The following CCSER1 variants were observed in gnomAD, a reference collection of about 807,000 sequenced individuals.
CCSER1 encodes serine-rich coiled-coil domain-containing protein 1.
Under a neutral mutation model 82.0 loss-of-function variants are expected in CCSER1, and 41 were observed. That is an observed-to-expected ratio of 0.50 (90% confidence interval 0.39 to 0.65). The LOEUF is 0.65. CCSER1 is among the 30% of genes least tolerant of loss of function. The pLI, the probability that CCSER1 is intolerant of heterozygous loss-of-function variation, is 0.00. For missense variants in CCSER1, 1,119 were observed against 1,064.2 expected (o/e 1.05, Z -0.72); for synonymous variants, 414 against 383.9 (o/e 1.08, Z -0.92).
intron 3 of CCSER1, among the ~76,000 whole-genome samples, chr4:90,351,871 T>A (rs1743508425): frequency 6.6e-6 from 1 of 152,234 alleles, no homozygotes; most frequent in Admixed American, 6.5e-5. Flanking sequence ...AATGAGTGTG[T>A]TGATGGCAGA....
chr4:91,034,044 C>G (rs952454178), intron 9 of CCSER1, among the ~76,000 whole-genome samples: 6 of 152,158 alleles, frequency 3.9e-5, no homozygotes, highest in Non-Finnish European at 5.9e-5. Context: ...TAGTTCAGTG[C>G]TATAAATACC....
intron 1 of CCSER1, among the ~76,000 whole-genome samples, chr4:90,162,564 G>A (rs993727603): frequency 2.6e-5 from 4 of 151,800 alleles, no homozygotes; most frequent in East Asian, 1.9e-4. Context: ...TTAAATGAGC[G>A]TAGCAGTATC....
At chr4:90,811,630 A>G (rs1189913638) in intron 7 of CCSER1, among the ~76,000 whole-genome samples, 1 of 152,190 alleles carries the variant, frequency 6.6e-6, no homozygotes, top group Non-Finnish European at 1.5e-5. Context: ...TTTGGTTCAA[A>G]GTGAGTAGCA....
At chr4:91,306,827 C>T (rs2149247430) in intron 10 of CCSER1, among the ~76,000 whole-genome samples, 1 of 152,100 alleles carries the variant, frequency 6.6e-6, no homozygotes, top group African/African-American at 2.4e-5. Context: ...GTTAAATCAA[C>T]TTTTACAAAA....
intron 7 of CCSER1, among the ~76,000 whole-genome samples, chr4:90,761,304 T>G (rs1001331237): frequency 1.3e-4 from 20 of 152,190 alleles, no homozygotes; most frequent in Admixed American, 2.0e-4. Context: ...CAATATTATC[T>G]TATTTATCTT....
chr4:90,289,637 T>C (rs1282893232), intron 1 of CCSER1, among the ~76,000 whole-genome samples: 2 of 151,858 alleles, frequency 1.3e-5, no homozygotes, highest in African/African-American at 2.4e-5. Context: ...TGCAAATAAG[T>C]TTATTAAGAA....
In CCSER1 at chr4:90,150,391, A is replaced by G. The variant is rs376813109; in HGVS notation, c.-42+22560A>G. 5.3e-5 allele frequency among the ~76,000 whole-genome samples: 8 copies of G among 152,218 alleles called. No individual in the cohort carries two copies. The East Asian group carries it at 1.2e-3, about 22-fold the overall frequency. ...ATGTGGGCAAAAAAAGTGGGGTTTC[A>G]CACATTTGGTGAATTCCTACGTAGT... On this transcript the variant is annotated intron_variant, in intron 1 of 10. Coordinates refer to ENST00000509176, the MANE Select transcript of CCSER1 (RefSeq NM_001145065.2).
intron 8 of CCSER1, among the ~76,000 whole-genome samples, chr4:90,822,324 T>G (rs1759845302): frequency 6.6e-6 from 1 of 152,208 alleles, no homozygotes; most frequent in South Asian, 2.1e-4. Flanking sequence ...ATTTCTGAAC[T>G]TTTGGGGTTT....
At chr4:90,817,871 C>A (rs1244151790) in intron 8 of CCSER1, among the ~76,000 whole-genome samples, 1 of 152,140 alleles carries the variant, frequency 6.6e-6, no homozygotes, top group African/African-American at 2.4e-5. Context: ...TAATAAATAA[C>A]TTGTGACATT....
In CCSER1 at chr4:90,309,476, G is replaced by T; in HGVS notation, c.1192G>T (p.Glu398Ter). 1 of 1,613,834 alleles carries T rather than the reference G, an allele frequency of 6.2e-7. No homozygotes were observed. Among genetic ancestry groups the T allele is most frequent in the South Asian group, 1.1e-5 (1 of 91,058 alleles). Reference protein sequence around the residue: ...TNSPRKLGFYEQHKAIAEHVK... With the variant: ...TNSPRKLGFY ...CTCCCCAAGGAAACTTGGATTTTAT[G>T]AGCAACATAAAGCAATAGCGGAACA... Residue 398 changes from glutamate (E) to a stop codon, truncating the protein, a stop_gained, in exon 2 of 11, where the codon GAG becomes TAG. Coordinates refer to ENST00000509176, the MANE Select transcript of CCSER1 (RefSeq NM_001145065.2). LOFTEE classifies it high-confidence loss of function.
At chr4:90,695,054 T>TATA (rs1560959754) in intron 6 of CCSER1, among the ~76,000 whole-genome samples, 1 of 141,924 alleles carries the variant, frequency 7.0e-6, no homozygotes, top group Non-Finnish European at 1.6e-5. Context: ...GTATATATAT[T>TATA]TATTTATATT....
rs893283173 is a variant in CCSER1 at position 91,266,891 on chromosome 4, C to A, written c.2217+180897C>A. ...ATTATCATTCTTACTACTTTTGAAC[C>A]ATTTCACTTTCAGTTTCACGTTTTT... On this transcript the variant is annotated intron_variant, in intron 10 of 10. Coordinates refer to ENST00000509176, the MANE Select transcript of CCSER1 (RefSeq NM_001145065.2). Among the ~76,000 whole-genome samples, 9 of 152,190 alleles carry A rather than the reference C, an allele frequency of 5.9e-5. No homozygotes were observed. In the East Asian group the frequency reaches 1.5e-3, roughly 26 times the overall value.
At chr4:91,387,493 A>G (rs1751371547) in intron 10 of CCSER1, among the ~76,000 whole-genome samples, 1 of 152,074 alleles carries the variant, frequency 6.6e-6, no homozygotes, top group South Asian at 2.1e-4. Flanking sequence ...AAGAAGATAT[A>G]TCAAAATCTA....
At chr4:91,003,770 A>G (rs1011736676) in intron 9 of CCSER1, among the ~76,000 whole-genome samples, 1 of 152,140 alleles carries the variant, frequency 6.6e-6, no homozygotes, top group African/African-American at 2.4e-5. Flanking sequence ...GTTAAAAAAA[A>G]GTTCGACTGG....
At chr4:91,171,512 TTTAA>T (rs1410760955) in intron 10 of CCSER1, among the ~76,000 whole-genome samples, 1 of 152,170 alleles carries the variant, frequency 6.6e-6, no homozygotes. Context: ...TGAAATGGAC[TTTAA>T]TTATCAGCAT....
intron 1 of CCSER1, among the ~76,000 whole-genome samples, chr4:90,154,248 T>A (rs1727549863): frequency 6.6e-6 from 1 of 152,234 alleles, no homozygotes. Context: ...ATCTCTGTTT[T>A]GGTACCAGTA....
intron 10 of CCSER1, among the ~76,000 whole-genome samples, chr4:91,180,908 C>T (rs918656253): frequency 6.6e-6 from 1 of 150,512 alleles, no homozygotes; most frequent in African/African-American, 2.4e-5. Flanking sequence ...TTAAGGGAAA[C>T]AAGAGATGGG....
chr4:91,153,301 T>A (rs547240251), intron 10 of CCSER1, among the ~76,000 whole-genome samples: 4 of 152,124 alleles, frequency 2.6e-5, no homozygotes, highest in Admixed American at 2.6e-4. Context: ...CTTGATCGAA[T>A]CGGCTCTTGA....
At chr4:90,531,379 T>TCATACACTG (rs1303645457) in intron 5 of CCSER1, among the ~76,000 whole-genome samples, 11 of 151,108 alleles carry the variant, frequency 7.3e-5, no homozygotes, top group Admixed American at 2.0e-4. Flanking sequence ...TTAGTGAGAT[T>TCATACACTG]CATACACTGC....
Sources: gnomAD v4.1 joint callset for allele counts (sites outside exome capture counted in the v4.1 genomes callset) on GRCh38, gnomAD v4.1.1 for gene constraint, MANE v1.5 for transcripts, NCBI Gene and HGNC (gene_info 2026-07-23, HGNC 2026-07-21) for gene names.